The following RSAD2 variants were observed in gnomAD, a reference collection of about 807,000 sequenced individuals.
RSAD2 encodes radical S-adenosyl methionine domain containing 2, also known as S-adenosylmethionine-dependent nucleotide dehydratase RSAD2.
RSAD2 carries 38 observed loss-of-function variants against 37.7 expected under a neutral mutation model. The observed-to-expected ratio is 1.01, with a 90% CI of 0.78 to 1.32. The LOEUF (loss-of-function observed/expected upper bound fraction) is 1.32. RSAD2 is among the 40% of genes most tolerant of loss of function. The pLI, the probability that RSAD2 is intolerant of heterozygous loss-of-function variation, is 0.00. For missense variants in RSAD2, 428 were observed against 437.5 expected, an observed-to-expected ratio of 0.98 and a Z score of 0.19; for synonymous variants, 163 against 157.4, an observed-to-expected ratio of 1.04 and a Z score of -0.27.
rs572215905 is a variant in RSAD2 at position 6,870,212 on chromosome 2, A to G, written c.142+4167A>G. Among the ~76,000 whole-genome samples the G allele has an allele frequency of 3.7e-4, 56 of 152,308 alleles. 1 individual carries two copies. The highest frequency in any genetic ancestry group is 1.3e-3 in the African/African-American group (55 of 41,568). ...CTTTCTTCCAGATTCCTTTTCGGAG[A>G]ACTTTTGTTCACATTTATAGTGTCA... On this transcript the variant is annotated intron_variant, in intron 1 of 5. Coordinates refer to the RSAD2 transcript ENST00000442639.
Sources: allele counts gnomAD v4.1 joint callset (sites outside exome capture counted in the v4.1 genomes callset), GRCh38; gene constraint gnomAD v4.1.1; transcripts MANE v1.5; gene names NCBI Gene and HGNC (gene_info 2026-07-23, HGNC 2026-07-21).